The following SLC3A1 variants were observed in gnomAD, a reference collection of about 807,000 sequenced individuals.
The protein encoded by SLC3A1 is amino acid transporter heavy chain SLC3A1.
Under a neutral mutation model 60.3 loss-of-function variants are expected in SLC3A1, and 78 were observed. The observed-to-expected ratio is 1.29, with a 90% CI of 1.08 to 1.56. The LOEUF is 1.56. Among genes scored for constraint, SLC3A1 ranks in the 40% most tolerant of loss-of-function variants. SLC3A1 has a pLI of 0.00. For missense variants in SLC3A1, 1,172 were observed against 858.9 expected (o/e 1.36, Z -4.56); for synonymous variants, 392 against 307.9 (o/e 1.27, Z -2.86).
intron 6 of SLC3A1, among the ~76,000 whole-genome samples, chr2:44,303,559 TG>T (rs11344754): frequency 0.75 from 112,728 of 151,158 alleles, 42,800 homozygotes; most frequent in Non-Finnish European, 0.79. Flanking sequence ...TCATTTTTTT[TG>T]GGGGGGGTGG....
chr2:44,275,514 C>A lies in SLC3A1; in HGVS notation c.-22C>A, dbSNP rs781269576. 4.3e-6 allele frequency: 7 copies of A among 1,609,812 alleles called. No homozygotes were observed. The highest frequency in any genetic ancestry group is 5.9e-6 in the Non-Finnish European group (7 of 1,177,228). Reference sequence around the variant, plus strand: ...CCTCCCTTACTGCAGGAAGGCACTCCGAAGACATAAGTCGGTGAGACATGG... The same window carrying A: ...CCTCCCTTACTGCAGGAAGGCACTCAGAAGACATAAGTCGGTGAGACATGG... On this transcript the variant is annotated 5_prime_UTR_variant, in exon 1 of 10. Coordinates refer to ENST00000260649, the MANE Select transcript of SLC3A1 (RefSeq NM_000341.4).
intron 7 of SLC3A1, among the ~76,000 whole-genome samples, chr2:44,306,922 C>T (rs928048214): frequency 1.1e-4 from 16 of 152,026 alleles, no homozygotes; most frequent in African/African-American, 3.6e-4. Flanking sequence ...ATTATGCAAC[C>T]ATCACCAATG....
At chr2:44,297,976 T>C (rs1671896674) in intron 4 of SLC3A1, among the ~76,000 whole-genome samples, 1 of 152,232 alleles carries the variant, frequency 6.6e-6, no homozygotes. Context: ...ATATTCATCG[T>C]ATGGATAGAC....
chr2:44,308,568 T>A (rs1412208634), intron 7 of SLC3A1, among the ~76,000 whole-genome samples: 1 of 152,234 alleles, frequency 6.6e-6, no homozygotes, highest in Admixed American at 6.5e-5. Flanking sequence ...AGTATTTTGT[T>A]CTTTTGATAT....
chr2:44,299,446 A>AT (rs1159098960), intron 4 of SLC3A1, among the ~76,000 whole-genome samples: 5 of 151,926 alleles, frequency 3.3e-5, no homozygotes, highest in Non-Finnish European at 4.4e-5. Context: ...GGTTGATTCT[A>AT]TTTTTTTTCT....
At chr2:44,287,814 G>T (rs890453318) in intron 4 of SLC3A1, among the ~76,000 whole-genome samples, 14 of 152,150 alleles carry the variant, frequency 9.2e-5, no homozygotes, top group Non-Finnish European at 2.9e-5. Context: ...GGAGCATTGG[G>T]TGCCTTTCCA....
intron 4 of SLC3A1, among the ~76,000 whole-genome samples, chr2:44,291,984 A>G (rs1268226163): frequency 6.6e-6 from 1 of 152,220 alleles, no homozygotes; most frequent in African/African-American, 2.4e-5. Context: ...TCTCTGAGGT[A>G]TCAGGGGTAT....
chr2:44,284,803 C>G lies in SLC3A1; in HGVS notation c.766-1229C>G, dbSNP rs566116564. 3.9e-5 allele frequency among the ~76,000 whole-genome samples: 6 copies of G among 152,222 alleles called. No individual in the cohort carries two copies. The East Asian group carries it at 1.2e-3, about 29-fold the overall frequency. On this transcript the variant is annotated intron_variant, in intron 3 of 9. Coordinates refer to ENST00000260649, the MANE Select transcript of SLC3A1 (RefSeq NM_000341.4). ...CTGGTCTTGAACTTCTGGCCTCAAG[C>G]AGTCCTCCCGCTTCAGCTCTCAAAG...
chr2:44,300,188 T>G (rs1031694606), intron 5 of SLC3A1, 98 bp downstream of exon 5: 15 of 1,288,496 alleles, frequency 1.2e-5, no homozygotes, highest in Non-Finnish European at 1.7e-5. Flanking sequence ...AAAGATGAGT[T>G]TTGTCCTGTG....
At chr2:44,322,089 C>T (rs376086254), downstream of SLC3A1, among the ~76,000 whole-genome samples, 9 of 152,120 alleles carry the variant, frequency 5.9e-5, no homozygotes, top group Admixed American at 2.0e-4. Context: ...TCTGACACAG[C>T]GAAAGCAGGA....
At chr2:44,276,785 A>C (rs969558154) in intron 1 of SLC3A1, among the ~76,000 whole-genome samples, 1 of 152,250 alleles carries the variant, frequency 6.6e-6, no homozygotes, top group Admixed American at 6.5e-5. Context: ...TCCTTACAAT[A>C]TATTGCTCAA....
downstream of SLC3A1, among the ~76,000 whole-genome samples, chr2:44,322,135 G>A (rs929347975): frequency 6.6e-6 from 1 of 152,100 alleles, no homozygotes; most frequent in Non-Finnish European, 1.5e-5. Context: ...GGTGCCACAC[G>A]GACAAGGTTG....
chr2:44,309,987 G>A (rs1672253724), intron 7 of SLC3A1, among the ~76,000 whole-genome samples: 1 of 152,084 alleles, frequency 6.6e-6, no homozygotes, highest in African/African-American at 2.4e-5. Context: ...GACCTCCTGG[G>A]CTCAAGCAAT....
At chr2:44,312,912 T>G (rs768604713) in intron 8 of SLC3A1, 159 bp downstream of exon 8, 217 of 641,060 alleles carry the variant, frequency 3.4e-4, no homozygotes, top group Non-Finnish European at 3.5e-4. Context: ...ATTCTCAGCT[T>G]TCTTGGTGGT....
At position 44,312,607 on chromosome 2, in the gene SLC3A1, C is replaced by T. The variant is rs201502095; in HGVS notation, c.1354C>T (p.Arg452Trp). 8.7e-5 allele frequency: 140 copies of T among 1,613,856 alleles called. No individual in the cohort carries two copies. The highest frequency in any genetic ancestry group is 1.7e-4 in the Middle Eastern group (1 of 6,060). The stretch of plus-strand genomic sequence containing the variant: ...TCAGATTGGTGGACCAGACAGTTCA[C>T]GGCTGACTTCGCGTTTGGGGAATCA... ...NWMIGGPDSS[R>W]LTSRLGNQYV... Residue 452 changes from arginine (R) to tryptophan (W), a missense_variant, in exon 8 of 10, where the codon CGG (arginine) becomes TGG (tryptophan). Physicochemically the swap from Arg to Trp is moderately radical, Grantham distance 101 (BLOSUM62 -3). Coordinates refer to ENST00000260649, the MANE Select transcript of SLC3A1 (RefSeq NM_000341.4).
intron 4 of SLC3A1, among the ~76,000 whole-genome samples, chr2:44,294,208 T>C (rs1451258826): frequency 1.3e-5 from 2 of 151,870 alleles, no homozygotes; most frequent in East Asian, 3.9e-4. Flanking sequence ...TTGGGTAATA[T>C]AAAGACTGAA....
At chr2:44,294,683 T>C (rs1348698258) in intron 4 of SLC3A1, among the ~76,000 whole-genome samples, 9 of 152,084 alleles carry the variant, frequency 5.9e-5, no homozygotes, top group African/African-American at 1.4e-4. Context: ...GAGGGTCAAA[T>C]TCTGAAGTCC....
downstream of SLC3A1, chr2:44,321,976 C>T (rs1673006779): frequency 2.5e-5 from 35 of 1,421,702 alleles, no homozygotes; most frequent in Non-Finnish European, 3.1e-5. Flanking sequence ...CATTCCTCCC[C>T]TCTTCTTTGA....
chr2:44,314,347 C>G, intron 9 of SLC3A1: 1 of 422,880 alleles, frequency 2.4e-6, no homozygotes, highest in Non-Finnish European at 4.3e-6. Context: ...ATCAATCAAC[C>G]CAGAGCAAGG....
Sources: allele counts gnomAD v4.1 joint callset (sites outside exome capture counted in the v4.1 genomes callset), GRCh38; gene constraint gnomAD v4.1.1; transcripts MANE v1.5; gene names NCBI Gene and HGNC (gene_info 2026-07-23, HGNC 2026-07-21).